Variants in PRKCA observed in about 807,000 individuals in gnomAD.
PRKCA encodes the protein protein kinase C alpha type.
PRKCA carries 27 observed loss-of-function variants against 87.0 expected under a neutral mutation model. The observed-to-expected ratio is 0.31, with a 90% CI of 0.23 to 0.43. The LOEUF (loss-of-function observed/expected upper bound fraction) is 0.43, where lower values mean the gene tolerates loss of function less well. PRKCA is among the 20% of genes least tolerant of loss of function. The pLI is 1.00. For missense variants in PRKCA, 518 were observed against 852.3 expected, an observed-to-expected ratio of 0.61 and a Z score of 4.88; for synonymous variants, 329 against 311.1, an observed-to-expected ratio of 1.06 and a Z score of -0.61.
chr17:66,699,733 T>C (rs1368325305), intron 8 of PRKCA, among the ~76,000 whole-genome samples: 1 of 152,218 alleles, frequency 6.6e-6, no homozygotes, highest in Non-Finnish European at 1.5e-5. Flanking sequence ...ACTACAGGCA[T>C]GCACCACCAC....
intron 15 of PRKCA, among the ~76,000 whole-genome samples, chr17:66,788,247 AC>A (rs1413686382): frequency 6.6e-6 from 1 of 152,194 alleles, no homozygotes; most frequent in Non-Finnish European, 1.5e-5. Context: ...TGGAAGAGAT[AC>A]TGAGATCGGG....
intron 2 of PRKCA, among the ~76,000 whole-genome samples, chr17:66,309,804 C>A (rs909504285): frequency 7.2e-5 from 11 of 151,812 alleles, no homozygotes; most frequent in Non-Finnish European, 1.6e-4. Flanking sequence ...TTTTTTTTCC[C>A]CCGTCAGAGA....
At chr17:66,681,760 C>T (rs1376354149) in intron 5 of PRKCA, among the ~76,000 whole-genome samples, 1 of 152,208 alleles carries the variant, frequency 6.6e-6, no homozygotes, top group African/African-American at 2.4e-5. Context: ...CCTGAGAAGT[C>T]ACCCACCACC....
At chr17:66,658,920 C>A (rs904093614) in intron 5 of PRKCA, among the ~76,000 whole-genome samples, 1 of 152,212 alleles carries the variant, frequency 6.6e-6, no homozygotes, top group African/African-American at 2.4e-5. Context: ...AAGCAAGACA[C>A]AGGAACACAC....
At chr17:66,448,746 A>G (rs1914160873) in intron 2 of PRKCA, among the ~76,000 whole-genome samples, 1 of 152,124 alleles carries the variant, frequency 6.6e-6, no homozygotes, top group Non-Finnish European at 1.5e-5. Context: ...ACATCCCTTT[A>G]AGCAATCAAT....
chr17:66,384,846 G>C (rs879441372), intron 2 of PRKCA, among the ~76,000 whole-genome samples: 8 of 152,040 alleles, frequency 5.3e-5, no homozygotes, highest in Non-Finnish European at 1.2e-4. Flanking sequence ...TAGCCAGGAT[G>C]GTCTCAATCT....
intron 16 of PRKCA, among the ~76,000 whole-genome samples, chr17:66,798,423 TGGTGGTGGTGAC>T (rs1598953023): frequency 4.2e-5 from 5 of 119,358 alleles, no homozygotes; most frequent in Admixed American, 2.5e-4. Context: ...ATGGTGGTGG[TGGTGGTGGTGAC>T]GGTGGTGGTG....
At chr17:66,460,250 G>C (rs1914782861) in intron 2 of PRKCA, among the ~76,000 whole-genome samples, 1 of 152,158 alleles carries the variant, frequency 6.6e-6, no homozygotes, top group South Asian at 2.1e-4. Flanking sequence ...TGGTATGTGG[G>C]CTGTGTGTGT....
At chr17:66,740,446 A>T (rs191680141) in intron 11 of PRKCA, among the ~76,000 whole-genome samples, 17 of 152,276 alleles carry the variant, frequency 1.1e-4, no homozygotes, top group Non-Finnish European at 1.9e-4. Context: ...AGCACCTGTT[A>T]ATAGGATTCT....
At chr17:66,556,110 T>G (rs1362622260) in intron 3 of PRKCA, among the ~76,000 whole-genome samples, 2 of 152,158 alleles carry the variant, frequency 1.3e-5, no homozygotes, top group Non-Finnish European at 2.9e-5. Context: ...TCTTTTTGAC[T>G]GAGCTGCACC....
intron 2 of PRKCA, among the ~76,000 whole-genome samples, chr17:66,361,613 A>G (rs1908397714): frequency 6.6e-6 from 1 of 152,094 alleles, no homozygotes; most frequent in Non-Finnish European, 1.5e-5. Flanking sequence ...GCCAGCCCAT[A>G]CATTGGATTT....
intron 3 of PRKCA, among the ~76,000 whole-genome samples, chr17:66,639,896 G>A (rs1256900294): frequency 6.6e-6 from 1 of 152,142 alleles, no homozygotes; most frequent in Non-Finnish European, 1.5e-5. Flanking sequence ...TTGGGAGGCT[G>A]AGACAGGAGA....
At chr17:66,463,613 T>G (rs889825635) in intron 2 of PRKCA, among the ~76,000 whole-genome samples, 1 of 152,292 alleles carries the variant, frequency 6.6e-6, no homozygotes, top group African/African-American at 2.4e-5. Flanking sequence ...GCCAGGTTGG[T>G]CTCGATCTCC....
chr17:66,665,504 G>GGGTCTCA (rs58613917), intron 5 of PRKCA, among the ~76,000 whole-genome samples: 68,720 of 151,430 alleles, frequency 0.45, 16,116 homozygotes, highest in East Asian at 0.51. Context: ...TGGCAAGAGG[G>GGGTCTCA]GGTCCAAGTA....
chr17:66,565,249 C>T (rs1968853757), intron 3 of PRKCA, among the ~76,000 whole-genome samples: 1 of 152,186 alleles, frequency 6.6e-6, no homozygotes, highest in Non-Finnish European at 1.5e-5. Flanking sequence ...GCATCCCTTC[C>T]TGGAGCACTG....
chr17:66,707,764 C>G (rs1028283314), intron 8 of PRKCA, among the ~76,000 whole-genome samples: 2 of 152,116 alleles, frequency 1.3e-5, no homozygotes, highest in African/African-American at 4.8e-5. Flanking sequence ...GGAAACGACC[C>G]CTGACCCTCA....
At chr17:66,496,572 G>T (rs897635413) in intron 3 of PRKCA, among the ~76,000 whole-genome samples, 1 of 152,152 alleles carries the variant, frequency 6.6e-6, no homozygotes. Context: ...CAAACACAAT[G>T]CAGTTGTTGA....
chr17:66,768,185 C>G (rs1347037455), intron 13 of PRKCA, among the ~76,000 whole-genome samples: 1 of 151,696 alleles, frequency 6.6e-6, no homozygotes, highest in Non-Finnish European at 1.5e-5. Context: ...CTCAAGTGAT[C>G]CGCCCGCCTG....
intron 2 of PRKCA, among the ~76,000 whole-genome samples, chr17:66,315,864 A>G (rs1325483878): frequency 3.9e-5 from 6 of 152,252 alleles, no homozygotes; most frequent in Non-Finnish European, 7.3e-5. Flanking sequence ...ACCTCTGTTT[A>G]GTCTATGTCA....
Sources: gnomAD v4.1 joint callset for allele counts (sites outside exome capture counted in the v4.1 genomes callset) on GRCh38, gnomAD v4.1.1 for gene constraint, MANE v1.5 for transcripts, NCBI Gene and HGNC (gene_info 2026-07-23, HGNC 2026-07-21) for gene names.